The following DLEU7 variants were observed in gnomAD, a reference collection of about 807,000 sequenced individuals.
The protein encoded by DLEU7 is leukemia-associated protein 7.
Under a neutral mutation model 16.0 loss-of-function variants are expected in DLEU7, and 17 were observed. The observed-to-expected ratio is 1.06, with a 90% CI of 0.73 to 1.59. DLEU7 has a LOEUF of 1.59. DLEU7 is among the 40% of genes most tolerant of loss of function. DLEU7 has a pLI of 0.00. For missense variants in DLEU7, 308 were observed against 314.9 expected, an observed-to-expected ratio of 0.98 and a Z score of 0.17; for synonymous variants, 113 against 139.8, an observed-to-expected ratio of 0.81 and a Z score of 1.35.
intron 1 of DLEU7, among the ~76,000 whole-genome samples, chr13:50,727,958 G>T (rs1282002612): frequency 6.6e-6 from 1 of 152,224 alleles, no homozygotes; most frequent in Non-Finnish European, 1.5e-5. Context: ...TGAAAATAAA[G>T]TTTCTTTCTT....
At chr13:50,762,385 A>T (rs1874964686) in intron 1 of DLEU7, among the ~76,000 whole-genome samples, 1 of 152,100 alleles carries the variant, frequency 6.6e-6, no homozygotes, top group South Asian at 2.1e-4. Flanking sequence ...GAGCATTATA[A>T]TTAAAATACA....
intron 1 of DLEU7, among the ~76,000 whole-genome samples, chr13:50,789,973 G>A (rs551802025): frequency 1.2e-4 from 17 of 139,204 alleles, no homozygotes; most frequent in Admixed American, 1.0e-3. Flanking sequence ...ACAGAGTCTC[G>A]CTCTGTTGCC....
At position 50,843,128 on chromosome 13, in the gene DLEU7, AC is replaced by A; in HGVS notation, c.459+59del. On this transcript the variant is annotated intron_variant, in intron 1 of 1. Coordinates refer to ENST00000504404, the MANE Select transcript of DLEU7 (RefSeq NM_001306135.2). This position sits in a 1 kb window ranked among gnomAD's most constrained non-coding sequence, Gnocchi z 5.7. Reference sequence around the variant, plus strand: ...CACCCATCGCCATCCCAGCAGCCCCACCCTTGGAGGATGGGAGGTTACCCTG... The same window carrying A: ...CACCCATCGCCATCCCAGCAGCCCCACCTTGGAGGATGGGAGGTTACCCTG... 2 of 1,481,936 alleles carry A rather than the reference AC, an allele frequency of 1.3e-6. No individual in the cohort carries two copies. The highest frequency in any genetic ancestry group is 1.8e-6 in the Non-Finnish European group (2 of 1,106,864). 91.8% of individuals were successfully genotyped at this position (1,481,936 alleles called of 1,614,324 possible).
At chr13:50,797,225 G>A (rs1250486886) in intron 1 of DLEU7, among the ~76,000 whole-genome samples, 1 of 152,108 alleles carries the variant, frequency 6.6e-6, no homozygotes, top group East Asian at 1.9e-4. Context: ...GAAAAAGCGT[G>A]CTGGGATTCA....
chr13:50,795,399 A>C (rs1000509962), intron 1 of DLEU7, among the ~76,000 whole-genome samples: 4 of 152,182 alleles, frequency 2.6e-5, no homozygotes, highest in Non-Finnish European at 5.9e-5. Flanking sequence ...CAACAAATGC[A>C]GTTGATGATA....
At chr13:50,717,774 C>A (rs932932888) in intron 1 of DLEU7, among the ~76,000 whole-genome samples, 2 of 152,122 alleles carry the variant, frequency 1.3e-5, no homozygotes, top group Non-Finnish European at 2.9e-5. Context: ...CCAAGGCAGC[C>A]AGACACTATG....
Position 50,769,918 on chromosome 13 carries a change from G to A in DLEU7, c.460-56678C>T, listed in dbSNP as rs1193286101. 9.2e-5 allele frequency among the ~76,000 whole-genome samples: 14 copies of A among 152,316 alleles called. No homozygotes were observed. The South Asian group carries it at 2.3e-3, about 25-fold the overall frequency. ...CGACATTGATTCTTCCTATCCATGA[G>A]CATGGAATGTTCTTCCATTTGTTTG... On this transcript the variant is annotated intron_variant, in intron 1 of 1. Coordinates refer to the DLEU7 transcript ENST00000400393.
intron 1 of DLEU7, among the ~76,000 whole-genome samples, chr13:50,815,947 A>G (rs1017438968): frequency 2.0e-5 from 3 of 152,152 alleles, no homozygotes; most frequent in Non-Finnish European, 2.9e-5. Context: ...AGAAAAGTAC[A>G]ATTTTATAAT....
At chr13:50,821,456 T>G (rs1876901885), downstream of DLEU7, among the ~76,000 whole-genome samples, 1 of 152,122 alleles carries the variant, frequency 6.6e-6, no homozygotes, top group Admixed American at 6.5e-5. Flanking sequence ...AGCAAGCTAA[T>G]CTTGACAGCA....
At chr13:50,719,470 A>C (rs1256318201) in intron 1 of DLEU7, among the ~76,000 whole-genome samples, 2 of 152,350 alleles carry the variant, frequency 1.3e-5, no homozygotes, top group East Asian at 3.9e-4. Context: ...ACTCTTCCTC[A>C]TAAAAACTCC....
intron 1 of DLEU7, among the ~76,000 whole-genome samples, chr13:50,777,093 C>T (rs772618900): frequency 8.5e-5 from 13 of 152,196 alleles, no homozygotes; most frequent in Admixed American, 2.0e-4. Context: ...TTCCCATGGC[C>T]ACTACAGCAC....
intron 1 of DLEU7, among the ~76,000 whole-genome samples, chr13:50,727,489 C>T (rs1417937266): frequency 1.3e-5 from 2 of 152,082 alleles, no homozygotes; most frequent in African/African-American, 4.8e-5. Context: ...ATTTTCTTTG[C>T]CACCGAGTTG....
chr13:50,737,255 C>A (rs1046137673), intron 1 of DLEU7, among the ~76,000 whole-genome samples: 50 of 151,998 alleles, frequency 3.3e-4, no homozygotes, highest in African/African-American at 1.2e-3. Flanking sequence ...TTGAAATAGT[C>A]AAAATATAAA....
rs1268651125 is a variant in DLEU7, at chr13:50,789,942, TTTC to T, written c.459+53243_459+53245del. Among the ~76,000 whole-genome samples, 1,223 of 138,502 alleles carry T rather than the reference TTTC, an allele frequency of 8.8e-3. 18 individuals carry two copies. Among genetic ancestry groups the T allele is most frequent in the African/African-American group, 0.029 (962 of 33,300 alleles). 90.9% of individuals were successfully genotyped at this position (138,502 alleles called of 152,430 possible). Reference sequence around the variant, plus strand: ...TTCTCTTTCTTTCTTTCTTTCTTTCTTTCTTTTTTTTTTTTTTGGGACAGAGTC... The same window carrying T: ...TTCTCTTTCTTTCTTTCTTTCTTTCTTTTTTTTTTTTTTTGGGACAGAGTC... On this transcript the variant is annotated intron_variant, in intron 1 of 1. Coordinates refer to the DLEU7 transcript ENST00000400393.
intron 1 of DLEU7, among the ~76,000 whole-genome samples, chr13:50,828,397 C>G (rs1877161371): frequency 2.0e-5 from 3 of 152,050 alleles, no homozygotes; most frequent in Admixed American, 2.0e-4. Context: ...ACTTAGAAAA[C>G]CCACTTCTAA....
chr13:50,761,258 C>T (rs546688229), intron 1 of DLEU7, among the ~76,000 whole-genome samples: 213 of 152,272 alleles, frequency 1.4e-3, no homozygotes, highest in African/African-American at 4.9e-3. Context: ...TTTTATAGAG[C>T]TTTAGCAGGA....
intron 1 of DLEU7, among the ~76,000 whole-genome samples, chr13:50,832,784 T>C (rs555646018): frequency 6.6e-6 from 1 of 152,350 alleles, no homozygotes; most frequent in Non-Finnish European, 1.5e-5. Flanking sequence ...CATGTAGTTG[T>C]GCGGTTCTGA....
chr13:50,824,373 T>A (rs549111099), intron 1 of DLEU7, among the ~76,000 whole-genome samples: 1 of 152,220 alleles, frequency 6.6e-6, no homozygotes, highest in African/African-American at 2.4e-5. Flanking sequence ...TGACATCCCC[T>A]GGACTTCTGG....
intron 1 of DLEU7, among the ~76,000 whole-genome samples, chr13:50,800,469 A>G (rs1191577538): frequency 2.0e-5 from 3 of 152,102 alleles, no homozygotes; most frequent in Admixed American, 6.5e-5. Context: ...GGGCCTCCTC[A>G]CTGAGGATAA....
Sources: gnomAD v4.1 joint callset for allele counts (sites outside exome capture counted in the v4.1 genomes callset) on GRCh38, gnomAD v4.1.1 for gene constraint, Gnocchi (gnomAD v3.1) non-coding constraint, MANE v1.5 for transcripts, NCBI Gene and HGNC (gene_info 2026-07-23, HGNC 2026-07-21) for gene names.